The following FSTL4 variants were observed in gnomAD, a reference collection of about 807,000 sequenced individuals.
FSTL4 encodes the protein follistatin like 4, also known as follistatin-related protein 4.
Under a neutral mutation model 78.2 loss-of-function variants are expected in FSTL4, and 28 were observed. The observed-to-expected ratio is 0.36, with a 90% confidence interval of 0.27 to 0.49. FSTL4 has a LOEUF of 0.49. Among genes scored for constraint, FSTL4 ranks in the 20% least tolerant of loss-of-function variants. FSTL4 has a pLI of 0.98. For synonymous variants in FSTL4, 422 were observed against 440.5 expected (o/e 0.96, Z 0.53); for missense variants, 922 against 1,084.9 (o/e 0.85, Z 2.11).
chr5:133,369,689 C>T (rs998665574), intron 4 of FSTL4, among the ~76,000 whole-genome samples: 2 of 152,158 alleles, frequency 1.3e-5, no homozygotes, highest in Non-Finnish European at 2.9e-5. Flanking sequence ...GACAGGTGGG[C>T]GCCTCCTACA....
the FSTL4 span, among the ~76,000 whole-genome samples, chr5:133,820,721 A>G: frequency 8.5e-5 from 13 of 152,224 alleles, no homozygotes; most frequent in African/African-American, 3.1e-4. Context: ...TTTAGGCTTC[A>G]TGTTTCACTT....
At position 133,225,914 on chromosome 5, in the gene FSTL4, A is replaced by G; in HGVS notation, c.1016-95T>C. On this transcript the variant is annotated intron_variant, in intron 8 of 15. Coordinates refer to ENST00000265342, the MANE Select transcript of FSTL4 (RefSeq NM_015082.2). This position sits in a 1 kb window ranked among gnomAD's most constrained non-coding sequence, Gnocchi z 4.6. ...TGAGACCCTGCTCCAGAGGGGGTGA[A>G]CCCAAGTAGGTGACTGGAGTTCTGT... 5.5e-6 allele frequency: 5 copies of G among 912,466 alleles called. No individual in the cohort carries two copies. The highest frequency in any genetic ancestry group is 7.9e-6 in the Non-Finnish European group (5 of 632,296). The allele number at this position is 912,466 out of a possible 1,614,324, so 56.5% of individuals were successfully genotyped here.
At chr5:133,506,489 C>G (rs749988028) in intron 3 of FSTL4, among the ~76,000 whole-genome samples, 4 of 151,990 alleles carry the variant, frequency 2.6e-5, no homozygotes, top group Non-Finnish European at 5.9e-5. Context: ...AGGGAGGAAA[C>G]AGAAGAAAGA....
At chr5:133,327,743 T>C (rs6893179) in intron 4 of FSTL4, among the ~76,000 whole-genome samples, 8,845 of 152,220 alleles carry the variant, frequency 0.058, 274 homozygotes, top group African/African-American at 0.07. Flanking sequence ...CTGACAGCCA[T>C]CACAGGCAGC....
intron 2 of FSTL4, among the ~76,000 whole-genome samples, chr5:133,575,711 G>A (rs531783382): frequency 4.6e-5 from 7 of 152,276 alleles, no homozygotes; most frequent in Middle Eastern, 6.8e-3. Context: ...ATGACACCAA[G>A]GCCCTGGATG....
At chr5:133,797,400 T>G in the FSTL4 span, among the ~76,000 whole-genome samples, 1 of 152,278 alleles carries the variant, frequency 6.6e-6, no homozygotes, top group African/African-American at 2.4e-5. Context: ...GTAAGACTGA[T>G]GACCTGCAGG....
chr5:133,383,010 G>A (rs1005111865), intron 4 of FSTL4, among the ~76,000 whole-genome samples: 5 of 152,176 alleles, frequency 3.3e-5, no homozygotes, highest in Non-Finnish European at 1.5e-5. Flanking sequence ...GCTGGAGCAG[G>A]CTCTGCGTGC....
the FSTL4 span, among the ~76,000 whole-genome samples, chr5:133,680,481 C>T: frequency 1.3e-5 from 2 of 152,214 alleles, no homozygotes; most frequent in African/African-American, 4.8e-5. Flanking sequence ...AAAGTAAGCA[C>T]TCCCTCTCCA....
At chr5:133,691,720 C>T in the FSTL4 span, among the ~76,000 whole-genome samples, 1 of 151,920 alleles carries the variant, frequency 6.6e-6, no homozygotes, top group African/African-American at 2.4e-5. Flanking sequence ...ACTCAACAAG[C>T]AGAGAAATGG....
At chr5:133,239,340 G>C (rs1429732170) in intron 7 of FSTL4, among the ~76,000 whole-genome samples, 1 of 152,086 alleles carries the variant, frequency 6.6e-6, no homozygotes, top group East Asian at 1.9e-4. Flanking sequence ...GGGCTGAGGA[G>C]TGCGGGCGCA....
chr5:133,822,091 T>C, the FSTL4 span, among the ~76,000 whole-genome samples: 2 of 152,216 alleles, frequency 1.3e-5, no homozygotes, highest in Non-Finnish European at 2.9e-5. Context: ...AAAGCTGATA[T>C]GACAAAATGC....
chr5:133,523,553 T>TA (rs1580764686), intron 3 of FSTL4, among the ~76,000 whole-genome samples: 1 of 151,882 alleles, frequency 6.6e-6, no homozygotes, highest in Non-Finnish European at 1.5e-5. Context: ...TCCAGGCTGT[T>TA]ACGCCTATTA....
chr5:133,835,868 C>T, the FSTL4 span, among the ~76,000 whole-genome samples: 3 of 152,064 alleles, frequency 2.0e-5, no homozygotes, highest in Non-Finnish European at 4.4e-5. Flanking sequence ...TTTTTGCTTT[C>T]TATATTATGA....
chr5:133,387,229 C>A (rs981828922), intron 4 of FSTL4, among the ~76,000 whole-genome samples: 6 of 152,204 alleles, frequency 3.9e-5, no homozygotes, highest in African/African-American at 1.4e-4. Flanking sequence ...GGAGTGGCCA[C>A]TGACACACAC....
At chr5:133,288,750 G>A (rs946707745) in intron 6 of FSTL4, among the ~76,000 whole-genome samples, 6 of 152,192 alleles carry the variant, frequency 3.9e-5, no homozygotes, top group South Asian at 2.1e-4. Flanking sequence ...CTCTGGCCTC[G>A]CTTGACTGAC....
intron 3 of FSTL4, among the ~76,000 whole-genome samples, chr5:133,563,074 CT>C (rs1759954722): frequency 6.6e-6 from 1 of 152,206 alleles, no homozygotes; most frequent in South Asian, 2.1e-4. Context: ...AGCCATCACT[CT>C]TTCCCATGCA....
At chr5:133,518,391 A>G (rs899115659) in intron 3 of FSTL4, among the ~76,000 whole-genome samples, 5 of 152,246 alleles carry the variant, frequency 3.3e-5, no homozygotes, top group African/African-American at 9.6e-5. Context: ...AAAAATGTTC[A>G]TCACCAATAA....
At chr5:133,744,819 A>T in the FSTL4 span, among the ~76,000 whole-genome samples, 1 of 152,172 alleles carries the variant, frequency 6.6e-6, no homozygotes, top group African/African-American at 2.4e-5. Context: ...TAAAGATTCC[A>T]CTTGGGTTTC....
chr5:133,679,657 T>C, the FSTL4 span, among the ~76,000 whole-genome samples: 479 of 152,240 alleles, frequency 3.1e-3, 3 homozygotes, highest in African/African-American at 0.01. Flanking sequence ...TGACAGTGCC[T>C]GCAAACAGGC....
Sources: gnomAD v4.1 joint callset for allele counts (sites outside exome capture counted in the v4.1 genomes callset) on GRCh38, gnomAD v4.1.1 for gene constraint, Gnocchi (gnomAD v3.1) non-coding constraint, MANE v1.5 for transcripts, NCBI Gene and HGNC (gene_info 2026-07-23, HGNC 2026-07-21) for gene names.